The following TES variants were observed in gnomAD, a reference collection of about 807,000 sequenced individuals.
TES encodes the protein testin LIM domain protein, also known as testin.
Under a neutral mutation model 48.2 loss-of-function variants are expected in TES, and 41 were observed. The ratio of observed to expected loss-of-function variants is 0.85; its 90% CI spans 0.66 to 1.10. TES has a LOEUF of 1.10. Among genes scored for constraint, TES ranks in the 50% least tolerant of loss-of-function variants. The probability of loss-of-function intolerance (pLI) is 0.00; values close to 1 mark genes in which losing one functional copy is unlikely to be tolerated. For synonymous variants in TES, 162 were observed against 174.9 expected, an observed-to-expected ratio of 0.93 and a Z score of 0.58; for missense variants, 463 against 515.1, an observed-to-expected ratio of 0.90 and a Z score of 0.98.
Position 116,258,161 on chromosome 7 carries a change from A to C in TES, c.*679A>C, listed in dbSNP as rs569553405. On this transcript the variant is annotated 3_prime_UTR_variant, in exon 7 of 7. Transcript: ENST00000358204. ...TGAATATTTTATTATCACATGTGGC[A>C]TAACAGTATCCACACTTTTTAGTTC... 4.0e-5 allele frequency: 6 copies of C among 151,456 alleles called. No individual in the cohort carries two copies. In the East Asian group the frequency reaches 1.2e-3, roughly 29 times the overall value. The allele number at this position is 151,456 out of a possible 1,614,324, so 9.4% of individuals were successfully genotyped here.
In TES at chr7:116,250,391, T is replaced by A. The variant is rs1375039152; in HGVS notation, c.597T>A (p.Asp199Glu). 2 of 1,613,840 alleles carry A rather than the reference T, an allele frequency of 1.2e-6. No homozygotes were observed. Among genetic ancestry groups the A allele is most frequent in the Non-Finnish European group, 8.5e-7 (1 of 1,179,922 alleles). ...ATGTCAAACTTCCCTGTGAGATGGA[T>A]GCCCAAGGCCCCAAACAAATGAACA... ...VGDVKLPCEM[D>E]AQGPKQMNIP... Residue 199 changes from aspartate (D) to glutamate (E), a missense_variant, in exon 4 of 7, where the codon GAT becomes GAA. Transcript: ENST00000358204.
In TES at chr7:116,257,383, T is replaced by C. The variant is rs1243547419; in HGVS notation, c.1167T>C (p.Phe389=). 3 of 1,614,120 alleles carry C rather than the reference T, an allele frequency of 1.9e-6. No homozygotes were observed. Among genetic ancestry groups the C allele is most frequent in the Admixed American group, 3.3e-5 (2 of 60,008 alleles). ...GCTGGCATGCATCCACAGAGTGCTT[T>C]CTGTGCTCTTGCTGCAGCAAATGCC... The part of the protein sequence containing the change: ...NFSWHASTEC[F]LCSCCSKCLI... Residue 389 remains phenylalanine (F), a synonymous_variant, in exon 7 of 7, where the codon TTT becomes TTC. Coordinates refer to ENST00000358204, the MANE Select transcript of TES (RefSeq NM_015641.4).
chr7:116,255,761 G>T (rs556524642), intron 6 of TES, among the ~76,000 whole-genome samples: 1 of 152,222 alleles, frequency 6.6e-6, no homozygotes, highest in East Asian at 1.9e-4. Flanking sequence ...TTGAAAGACT[G>T]TTCTTATCAC....
chr7:116,236,018 TTTTTTTTACAAGAC>T (rs1162641994), intron 2 of TES, among the ~76,000 whole-genome samples: 1 of 151,996 alleles, frequency 6.6e-6, no homozygotes, highest in Admixed American at 6.6e-5. Context: ...TTTCCAGAAT[TTTTTTTTACAAGAC>T]TTAAGCAGCT....
At chr7:116,227,159 C>G (rs1799632870) in intron 1 of TES, among the ~76,000 whole-genome samples, 1 of 150,680 alleles carries the variant, frequency 6.6e-6, no homozygotes, top group Non-Finnish European at 1.5e-5. Context: ...ACTCTGTCAC[C>G]CAGGCTGGAG....
At position 116,257,549 on chromosome 7, in the gene TES, C is replaced by A; in HGVS notation, c.*67C>A. ...TGGTCTGCATTTCTACTGTAAAATG[C>A]AATTTGAAAAAAATAAAACGCAAAA... On this transcript the variant is annotated 3_prime_UTR_variant, in exon 7 of 7. Transcript: ENST00000358204. The A allele has an allele frequency of 8.2e-7, 1 of 1,225,562 alleles. No individual in the cohort carries two copies. The highest frequency in any genetic ancestry group is 3.3e-5 in the South Asian group (1 of 30,676). The allele number at this position is 1,225,562 out of a possible 1,614,324, so 75.9% of individuals were successfully genotyped here. A position where few individuals can be genotyped will look rare whatever the true frequency, so the allele number is the denominator to read the frequency against.
Position 116,249,007 on chromosome 7 carries a change from T to G in TES, c.114-13T>G. On this transcript the variant is annotated splice_polypyrimidine_tract_variant and intron_variant, in intron 2 of 6. Transcript: ENST00000358204. The stretch of plus-strand genomic sequence containing the variant: ...TACAATTAATCATTTTCTACTTATT[T>G]TCAAAATTATAGAAAAATATGTCGT... 1 of 1,562,488 alleles carries G rather than the reference T, an allele frequency of 6.4e-7. No homozygotes were observed. Among genetic ancestry groups the G allele is most frequent in the South Asian group, 1.2e-5 (1 of 82,300 alleles).
chr7:116,235,599 G>C (rs1799760090), intron 2 of TES, among the ~76,000 whole-genome samples: 1 of 152,110 alleles, frequency 6.6e-6, no homozygotes, highest in Non-Finnish European at 1.5e-5. Context: ...TCTAAAATCA[G>C]TATTTGAAAC....
chr7:116,228,822 G>A (rs990187034), intron 1 of TES, among the ~76,000 whole-genome samples: 3 of 151,510 alleles, frequency 2.0e-5, no homozygotes, highest in Non-Finnish European at 2.9e-5. Context: ...AGGTATCTTG[G>A]AGCCAATCTA....
chr7:116,234,936 T>C (rs1799748398), intron 2 of TES, among the ~76,000 whole-genome samples: 1 of 151,568 alleles, frequency 6.6e-6, no homozygotes, highest in African/African-American at 2.4e-5. Context: ...CAGGACTGTT[T>C]AATAATTTAT....
chr7:116,212,792 A>G (rs3807957), intron 1 of TES, among the ~76,000 whole-genome samples: 55,369 of 152,076 alleles, frequency 0.36, 12,269 homozygotes, highest in East Asian at 0.71. Flanking sequence ...TTTATCCCCC[A>G]CTTTACTTTT....
intron 1 of TES, among the ~76,000 whole-genome samples, chr7:116,221,677 C>T (rs1030413711): frequency 6.6e-6 from 1 of 152,176 alleles, no homozygotes; most frequent in Admixed American, 6.6e-5. Flanking sequence ...TCATATTCCT[C>T]TGTACATCTG....
intron 1 of TES, among the ~76,000 whole-genome samples, chr7:116,218,870 T>G (rs1030660640): frequency 1.3e-5 from 2 of 152,034 alleles, no homozygotes; most frequent in Non-Finnish European, 2.9e-5. Flanking sequence ...CAATAAAAAT[T>G]TATTACTTAA....
chr7:116,240,151 A>G (rs1584621897), intron 2 of TES, among the ~76,000 whole-genome samples: 2 of 152,214 alleles, frequency 1.3e-5, no homozygotes, highest in Non-Finnish European at 2.9e-5. Context: ...TTAAATCCAT[A>G]TATGTATATC....
chr7:116,231,932 A>G (rs1437827051), intron 1 of TES, among the ~76,000 whole-genome samples: 1 of 152,022 alleles, frequency 6.6e-6, no homozygotes, highest in African/African-American at 2.4e-5. Context: ...CAGATGCTTC[A>G]TGGGTTTATA....
At chr7:116,220,527 A>G (rs1028016069) in intron 1 of TES, among the ~76,000 whole-genome samples, 19 of 152,200 alleles carry the variant, frequency 1.2e-4, no homozygotes, top group African/African-American at 4.3e-4. Context: ...CAAAACATGG[A>G]TAGTACTTCT....
At chr7:116,222,381 G>A (rs778989997) in intron 1 of TES, among the ~76,000 whole-genome samples, 5 of 152,160 alleles carry the variant, frequency 3.3e-5, no homozygotes, top group African/African-American at 7.2e-5. Flanking sequence ...CTCCTTCAGT[G>A]AAGCCCTCAG....
intron 2 of TES, among the ~76,000 whole-genome samples, chr7:116,236,413 T>C (rs142983842): frequency 6.6e-6 from 1 of 152,320 alleles, no homozygotes; most frequent in African/African-American, 2.4e-5. Flanking sequence ...TTAAAATATG[T>C]ATAAAATTAC....
At chr7:116,230,393 C>G (rs928057984) in intron 1 of TES, among the ~76,000 whole-genome samples, 1 of 152,204 alleles carries the variant, frequency 6.6e-6, no homozygotes, top group African/African-American at 2.4e-5. Context: ...ATTAAGTTGG[C>G]CTTCCAGGCA....
Sources: allele counts gnomAD v4.1 joint callset (sites outside exome capture counted in the v4.1 genomes callset), GRCh38; gene constraint gnomAD v4.1.1; transcripts MANE v1.5; gene names NCBI Gene and HGNC (gene_info 2026-07-23, HGNC 2026-07-21).